The following KCNG3 variants were observed in gnomAD, a reference collection of about 807,000 sequenced individuals.
The protein encoded by KCNG3 is voltage-gated potassium channel regulatory subunit KCNG3.
KCNG3 carries 15 observed loss-of-function variants against 29.0 expected under a neutral mutation model. The observed-to-expected ratio is 0.52, with a 90% confidence interval of 0.35 to 0.80. The LOEUF (loss-of-function observed/expected upper bound fraction) is 0.80. Among genes scored for constraint, KCNG3 ranks in the 30% least tolerant of loss-of-function variants. The pLI is 0.01. For synonymous variants in KCNG3, 322 were observed against 248.9 expected (o/e 1.29, Z -2.76); for missense variants, 512 against 605.7 (o/e 0.85, Z 1.62).
At chr2:42,431,676 CTTAGTAA>C in the KCNG3 span, among the ~76,000 whole-genome samples, 3 of 152,324 alleles carry the variant, frequency 2.0e-5, no homozygotes, top group Non-Finnish European at 4.4e-5. Context: ...CTCCACTGAT[CTTAGTAA>C]CATAATTCCC....
rs538757667 is a variant in KCNG3, at chr2:42,477,072, G to A, written c.665+15765C>T. On this transcript the variant is annotated intron_variant, in intron 1 of 1. Transcript: ENST00000306078. ...CCGGGCGTGGTGGCAGGCACCTGTA[G>A]TCCCAGCTGCTCAGGAGGCTGAGGC... is the stretch of plus-strand genomic sequence containing the variant. Among the ~76,000 whole-genome samples the A allele has an allele frequency of 4.0e-5, 6 of 150,188 alleles. 1 individual carries two copies. In the South Asian group the frequency reaches 1.3e-3, roughly 32 times the overall value.
chr2:42,492,193 T>A (rs1340189328), intron 1 of KCNG3, among the ~76,000 whole-genome samples: 1 of 152,196 alleles, frequency 6.6e-6, no homozygotes, highest in Non-Finnish European at 1.5e-5. Context: ...ATAGACCCTC[T>A]GAAAGTCGCA....
intron 1 of KCNG3, among the ~76,000 whole-genome samples, chr2:42,492,315 ATTAACC>A (rs1368763380): frequency 6.6e-6 from 1 of 152,214 alleles, no homozygotes; most frequent in Non-Finnish European, 1.5e-5. Flanking sequence ...CTATCGATAA[ATTAACC>A]TGCTTTATAA....
At chr2:42,476,103 T>C (rs947470288) in intron 1 of KCNG3, among the ~76,000 whole-genome samples, 2 of 152,158 alleles carry the variant, frequency 1.3e-5, no homozygotes, top group Non-Finnish European at 2.9e-5. Context: ...TAAAATTCTA[T>C]TGAAACTTTT....
At position 42,457,627 on chromosome 2, in the gene KCNG3, T is replaced by TCTCACACACACACA. The variant is rs1553327818; in HGVS notation, c.666-13049_666-13048insTGTGTGTGTGTGAG. On this transcript the variant is annotated intron_variant, in intron 1 of 1. Transcript: ENST00000306078. ...TTTGGGAGGCCGAGGCAGGCAGATC[T>TCTCACACACACACA]CACACACACACACACACACACACAC... is the stretch of plus-strand genomic sequence containing the variant. 8.8e-5 allele frequency among the ~76,000 whole-genome samples: 11 copies of TCTCACACACACACA among 125,520 alleles called. No individual in the cohort carries two copies. The South Asian group carries it at 9.0e-4, about 10-fold the overall frequency. 82.3% of individuals were successfully genotyped at this position (125,520 alleles called of 152,430 possible).
chr2:42,490,859 T>C (rs781239439), intron 1 of KCNG3, among the ~76,000 whole-genome samples: 7 of 152,178 alleles, frequency 4.6e-5, no homozygotes, highest in African/African-American at 7.2e-5. Context: ...TTAACGACTA[T>C]ACTTAAAGTG....
intron 1 of KCNG3, among the ~76,000 whole-genome samples, chr2:42,447,940 T>C (rs144466982): frequency 3.3e-5 from 5 of 152,330 alleles, no homozygotes; most frequent in African/African-American, 9.6e-5. Context: ...ATTTGTAATT[T>C]TGATAGATCT....
intron 1 of KCNG3, among the ~76,000 whole-genome samples, chr2:42,482,579 C>T (rs181722511): frequency 4.0e-5 from 6 of 151,116 alleles, no homozygotes; most frequent in Non-Finnish European, 8.9e-5. Flanking sequence ...AAAAATTAGC[C>T]GGGCCTGGGC....
At chr2:42,439,325 G>A (rs762272806), downstream of KCNG3, among the ~76,000 whole-genome samples, 2 of 151,582 alleles carry the variant, frequency 1.3e-5, no homozygotes, top group South Asian at 2.1e-4. Flanking sequence ...ACAGTGGCAC[G>A]ATCTCAGCTC....
chr2:42,408,310 T>C, the KCNG3 span, among the ~76,000 whole-genome samples: 1 of 152,146 alleles, frequency 6.6e-6, no homozygotes, highest in Non-Finnish European at 1.5e-5. Flanking sequence ...CTGGGCTGCC[T>C]GTCCCGCAGA....
intron 1 of KCNG3, among the ~76,000 whole-genome samples, chr2:42,453,708 T>C (rs1399753077): frequency 1.3e-5 from 2 of 152,176 alleles, no homozygotes; most frequent in African/African-American, 2.4e-5. Context: ...AGCTTCTTAA[T>C]TGGGTGTGAT....
At chr2:42,449,065 G>C (rs1349630393) in intron 1 of KCNG3, among the ~76,000 whole-genome samples, 1 of 152,022 alleles carries the variant, frequency 6.6e-6, no homozygotes, top group East Asian at 1.9e-4. Context: ...TGAGGGACTT[G>C]AGTATGTTCA....
chr2:42,486,824 G>A (rs62144792), intron 1 of KCNG3, among the ~76,000 whole-genome samples: 11 of 152,134 alleles, frequency 7.2e-5, no homozygotes, highest in Non-Finnish European at 1.2e-4. Flanking sequence ...CACAGCGCCT[G>A]GCACAATCAC....
intron 1 of KCNG3, among the ~76,000 whole-genome samples, chr2:42,457,812 T>C (rs546950621): frequency 1.3e-5 from 2 of 149,870 alleles, no homozygotes; most frequent in African/African-American, 4.9e-5. Context: ...TAAGACCCTA[T>C]CTCTAAAAAA....
chr2:42,413,880 A>T, the KCNG3 span: 1 of 152,216 alleles, frequency 6.6e-6, no homozygotes, highest in Non-Finnish European at 1.5e-5. Context: ...GGTCCCTCTC[A>T]TGACACATGG....
the KCNG3 span, among the ~76,000 whole-genome samples, chr2:42,411,509 G>C: frequency 6.6e-6 from 1 of 152,070 alleles, no homozygotes; most frequent in Non-Finnish European, 1.5e-5. Context: ...GAGAGAGAGA[G>C]CCTTACTCTG....
chr2:42,410,603 T>A, the KCNG3 span, among the ~76,000 whole-genome samples: 1 of 152,306 alleles, frequency 6.6e-6, no homozygotes, highest in East Asian at 1.9e-4. Context: ...ACTTTATATT[T>A]TCTATGTAAA....
the KCNG3 span, among the ~76,000 whole-genome samples, chr2:42,432,104 G>A: frequency 6.6e-6 from 1 of 151,620 alleles, no homozygotes; most frequent in Non-Finnish European, 1.5e-5. Flanking sequence ...AGGGCTTTTT[G>A]CAGGTACAAG....
chr2:42,467,402 T>C (rs1289013481), intron 1 of KCNG3, among the ~76,000 whole-genome samples: 4 of 152,172 alleles, frequency 2.6e-5, no homozygotes, highest in Non-Finnish European at 4.4e-5. Flanking sequence ...TCGCAGCAAC[T>C]CACGCCTGTA....
Sources: gnomAD v4.1 joint callset for allele counts (sites outside exome capture counted in the v4.1 genomes callset) on GRCh38, gnomAD v4.1.1 for gene constraint, MANE v1.5 for transcripts, NCBI Gene and HGNC (gene_info 2026-07-23, HGNC 2026-07-21) for gene names.